RPH3A: variants seen among roughly 807,000 people sequenced by gnomAD.
The protein encoded by RPH3A is rabphilin 3A.
Under a neutral mutation model 102.2 loss-of-function variants are expected in RPH3A, and 48 were observed. The ratio of observed to expected loss-of-function variants is 0.47; its 90% CI spans 0.37 to 0.60. The LOEUF (loss-of-function observed/expected upper bound fraction) is 0.60, where lower values mean the gene tolerates loss of function less well. Ranked by LOEUF, RPH3A falls within the 20% of genes least tolerant of loss-of-function variation. The pLI, the probability that RPH3A is intolerant of heterozygous loss-of-function variation, is 0.00. For missense variants in RPH3A, 781 were observed against 910.1 expected (o/e 0.86, Z 1.83); for synonymous variants, 310 against 324.3 (o/e 0.96, Z 0.47).
At chr12:112,759,899 A>G (rs945402529) in intron 1 of RPH3A, among the ~76,000 whole-genome samples, 1 of 152,170 alleles carries the variant, frequency 6.6e-6, no homozygotes, top group African/African-American at 2.4e-5. Flanking sequence ...TAAGTCATTG[A>G]TCAGCCCTGA....
At chr12:112,790,860 A>T (rs1034361339), upstream of RPH3A, among the ~76,000 whole-genome samples, 1 of 152,190 alleles carries the variant, frequency 6.6e-6, no homozygotes. Context: ...TGGGCTGTCA[A>T]TTCCTTTATC....
chr12:112,646,058 A>G (rs1379701609), intron 1 of RPH3A, among the ~76,000 whole-genome samples: 1 of 152,182 alleles, frequency 6.6e-6, no homozygotes, highest in Non-Finnish European at 1.5e-5. Flanking sequence ...GAAGAAATGT[A>G]TACCATTTAG....
intron 20 of RPH3A, 92 bp downstream of exon 20, chr12:112,894,751 C>A: frequency 1.0e-6 from 1 of 1,002,814 alleles, no homozygotes; most frequent in Non-Finnish European, 1.5e-6. Flanking sequence ...TATGTGGCCA[C>A]ATAGCCATTA....
At chr12:112,878,944 T>C (rs1010216540) in intron 13 of RPH3A, among the ~76,000 whole-genome samples, 175 bp from the exon 14 acceptor site, 1 of 152,234 alleles carries the variant, frequency 6.6e-6, no homozygotes, top group Non-Finnish European at 1.5e-5. Flanking sequence ...ATGTCCTGAG[T>C]GCTCTAAGGT....
At chr12:112,892,992 T>G (rs1476220051) in intron 19 of RPH3A, 4 of 152,226 alleles carry the variant, frequency 2.6e-5, no homozygotes, top group Admixed American at 2.6e-4. Context: ...TGATTTTATT[T>G]CCTCGTATGA....
At chr12:112,641,222 A>C (rs1366296266) in intron 1 of RPH3A, among the ~76,000 whole-genome samples, 4 of 152,198 alleles carry the variant, frequency 2.6e-5, no homozygotes, top group Admixed American at 2.0e-4. Context: ...TGGCTCTATT[A>C]AATTCAAAGC....
chr12:112,712,954 C>A (rs2040479833), intron 1 of RPH3A, among the ~76,000 whole-genome samples: 1 of 105,672 alleles, frequency 9.5e-6, no homozygotes, highest in Non-Finnish European at 2.1e-5. Context: ...TCTTCTTCTT[C>A]TTCTTCTTCT....
chr12:112,854,332 G>A (rs2136199946), intron 5 of RPH3A, among the ~76,000 whole-genome samples: 1 of 152,356 alleles, frequency 6.6e-6, no homozygotes, highest in African/African-American at 2.4e-5. Flanking sequence ...GATTTTTCTT[G>A]CAATAGTAAC....
rs748320903 is a variant in RPH3A, at chr12:112,843,573, C to T, written c.84-4123C>T. On this transcript the variant is annotated intron_variant, in intron 4 of 21. Coordinates refer to ENST00000389385, the MANE Select transcript of RPH3A (RefSeq NM_001143854.2). ...TTGCATTTCCTGTGCACAGTAACAC[C>T]GGCAATGGTGTGGTGGTGGGGTGTG... 1.1e-3 allele frequency among the ~76,000 whole-genome samples: 172 copies of T among 152,142 alleles called. 4 individuals carry two copies. Among genetic ancestry groups the T allele is most frequent in the Non-Finnish European group, 3.5e-4 (24 of 68,020 alleles).
intron 1 of RPH3A, among the ~76,000 whole-genome samples, chr12:112,713,031 CTTCTTCTTCTTCTTCTTCTCCTTCT>C (rs2040486126): frequency 1.3e-5 from 1 of 77,138 alleles, no homozygotes; most frequent in African/African-American, 7.0e-5. Flanking sequence ...TCCTCTTCTT[CTTCTTCTTCTTCTTCTTCTCCTTCT>C]TCTTCTTCTT....
At chr12:112,807,984 A>G (rs565340867) in intron 2 of RPH3A, among the ~76,000 whole-genome samples, 84 of 152,026 alleles carry the variant, frequency 5.5e-4, no homozygotes, top group African/African-American at 1.6e-3. Context: ...TCTATTTACC[A>G]CTATATCTCC....
intron 1 of RPH3A, among the ~76,000 whole-genome samples, chr12:112,648,768 G>T: frequency 7.1e-6 from 1 of 141,100 alleles, no homozygotes; most frequent in Admixed American, 7.2e-5. Flanking sequence ...AAAAAAAAAT[G>T]GAAATTACTG....
intron 3 of RPH3A, among the ~76,000 whole-genome samples, chr12:112,833,177 G>A (rs1207826763): frequency 1.3e-5 from 2 of 152,036 alleles, no homozygotes; most frequent in Admixed American, 6.5e-5. Flanking sequence ...CACCTGACCT[G>A]TTTTACTACA....
intron 1 of RPH3A, among the ~76,000 whole-genome samples, chr12:112,640,759 TG>T (rs1486189868): frequency 6.6e-6 from 1 of 151,636 alleles, no homozygotes; most frequent in Non-Finnish European, 1.5e-5. Flanking sequence ...GGGCATGGAG[TG>T]GAGGAGTGTG....
chr12:112,691,260 C>A (rs2040305072), intron 1 of RPH3A, among the ~76,000 whole-genome samples: 1 of 152,184 alleles, frequency 6.6e-6, no homozygotes, highest in Non-Finnish European at 1.5e-5. Flanking sequence ...GATCCGCCCG[C>A]CTCGGCCTCC....
rs116199009 is a variant in RPH3A, at chr12:112,586,451, A to T, written c.-140+11132A>T. On this transcript the variant is annotated intron_variant, in intron 1 of 21. Transcript: ENST00000543106. The stretch of plus-strand genomic sequence containing the variant: ...TTTGAGTAAGGACCTGGATGCAGTG[A>T]GGGAGTAAGGCATGAGAAGATTTGT... Among the ~76,000 whole-genome samples, 313 of 152,242 alleles carry T rather than the reference A, an allele frequency of 2.1e-3. 1 individual carries two copies. Among genetic ancestry groups the T allele is most frequent in the African/African-American group, 7.2e-3 (299 of 41,550 alleles).
At chr12:112,726,077 G>T (rs1309184356) in intron 1 of RPH3A, among the ~76,000 whole-genome samples, 1 of 150,600 alleles carries the variant, frequency 6.6e-6, no homozygotes, top group Non-Finnish European at 1.5e-5. Flanking sequence ...TTGCAGGCGT[G>T]AGCCACCGCA....
chr12:112,672,472 G>C (rs2040140078), intron 1 of RPH3A, among the ~76,000 whole-genome samples: 1 of 152,220 alleles, frequency 6.6e-6, no homozygotes, highest in African/African-American at 2.4e-5. Flanking sequence ...GTGACTCACT[G>C]TGCAGTTCTC....
intron 13 of RPH3A, among the ~76,000 whole-genome samples, chr12:112,877,188 A>G (rs887417293): frequency 2.6e-4 from 39 of 152,134 alleles, no homozygotes; most frequent in African/African-American, 9.4e-4. Context: ...CTAGCTCCTC[A>G]AGAGGTTAAA....
Sources: gnomAD v4.1 joint callset for allele counts (sites outside exome capture counted in the v4.1 genomes callset) on GRCh38, gnomAD v4.1.1 for gene constraint, MANE v1.5 for transcripts, NCBI Gene and HGNC (gene_info 2026-07-23, HGNC 2026-07-21) for gene names.